The following MEGF11 variants were observed in gnomAD, a reference collection of about 807,000 sequenced individuals.
MEGF11 encodes multiple EGF like domains 11, also known as multiple epidermal growth factor-like domains protein 11.
A neutral mutation model predicts 146.6 loss-of-function variants in MEGF11; 126 were observed. The ratio of observed to expected loss-of-function variants is 0.86; its 90% CI spans 0.74 to 1.00. The LOEUF is 1.00. Ranked by LOEUF, MEGF11 falls within the 50% of genes least tolerant of loss-of-function variation. The probability of loss-of-function intolerance (pLI) is 0.00; values close to 1 mark genes in which losing one functional copy is unlikely to be tolerated. For synonymous variants in MEGF11, 532 were observed against 583.4 expected, an observed-to-expected ratio of 0.91 and a Z score of 1.27; for missense variants, 1,509 against 1,521.2, an observed-to-expected ratio of 0.99 and a Z score of 0.13.
chr15:66,046,430 C>G (rs1385041817), intron 5 of MEGF11, among the ~76,000 whole-genome samples: 1 of 152,226 alleles, frequency 6.6e-6, no homozygotes, highest in Non-Finnish European at 1.5e-5. Flanking sequence ...AGGCACCTCA[C>G]GGGACGTGGT....
At chr15:65,937,310 A>G (rs1310798545) in intron 10 of MEGF11, among the ~76,000 whole-genome samples, 1 of 152,150 alleles carries the variant, frequency 6.6e-6, no homozygotes, top group African/African-American at 2.4e-5. Flanking sequence ...TGCATTTGGC[A>G]TGTCATGTGC....
chr15:65,978,092 C>A (rs959453171), intron 7 of MEGF11, among the ~76,000 whole-genome samples: 5 of 152,274 alleles, frequency 3.3e-5, no homozygotes, highest in African/African-American at 1.2e-4. Context: ...GAGTTCCTAG[C>A]AGCTCCTCTC....
intron 1 of MEGF11, among the ~76,000 whole-genome samples, chr15:66,251,823 G>A (rs2092374525): frequency 6.6e-6 from 1 of 152,202 alleles, no homozygotes; most frequent in African/African-American, 2.4e-5. Context: ...AGGAAGTGGC[G>A]AGATTGCAGT....
chr15:66,098,261 A>C (rs2086636466), intron 4 of MEGF11, among the ~76,000 whole-genome samples: 1 of 152,124 alleles, frequency 6.6e-6, no homozygotes, highest in South Asian at 2.1e-4. Flanking sequence ...TCTCCTCTGC[A>C]ATCAAGCTGC....
intron 1 of MEGF11, among the ~76,000 whole-genome samples, chr15:66,177,429 T>C (rs1361594470): frequency 1.3e-5 from 2 of 152,218 alleles, no homozygotes; most frequent in East Asian, 3.8e-4. Flanking sequence ...CATCATGTAT[T>C]CAGCAATCAC....
At chr15:66,022,319 T>C (rs1309519242) in intron 5 of MEGF11, among the ~76,000 whole-genome samples, 1 of 152,274 alleles carries the variant, frequency 6.6e-6, no homozygotes, top group African/African-American at 2.4e-5. Flanking sequence ...CCTCTGGGCC[T>C]ACCTGCAGTG....
At chr15:65,933,995 C>G (rs936180651) in intron 10 of MEGF11, among the ~76,000 whole-genome samples, 3 of 152,076 alleles carry the variant, frequency 2.0e-5, no homozygotes, top group African/African-American at 7.2e-5. Context: ...GAAAGAATAC[C>G]TTGTTTACCT....
intron 1 of MEGF11, among the ~76,000 whole-genome samples, chr15:66,197,401 T>A (rs1481282756): frequency 6.6e-6 from 1 of 152,158 alleles, no homozygotes; most frequent in African/African-American, 2.4e-5. Context: ...ACTGCTCTCA[T>A]GGAGCTGATG....
intron 19 of MEGF11, among the ~76,000 whole-genome samples, 171 bp downstream of exon 19, chr15:65,915,298 TC>T (rs2078956053): frequency 6.6e-6 from 1 of 152,174 alleles, no homozygotes; most frequent in Admixed American, 6.5e-5. Context: ...GACTGCCTGC[TC>T]CTTATGCCTC....
chr15:65,902,316 G>A (rs919489098), intron 24 of MEGF11: 3 of 152,348 alleles, frequency 2.0e-5, no homozygotes, highest in African/African-American at 7.2e-5. Flanking sequence ...AGAAGTTGAT[G>A]TCTGTGGGGA....
At chr15:66,181,715 C>A (rs2090554444) in intron 1 of MEGF11, among the ~76,000 whole-genome samples, 1 of 152,182 alleles carries the variant, frequency 6.6e-6, no homozygotes, top group African/African-American at 2.4e-5. Flanking sequence ...CCTTGGGAAC[C>A]ACAGGCATAG....
chr15:66,095,126 T>G (rs1331914997), intron 4 of MEGF11, among the ~76,000 whole-genome samples: 2 of 152,228 alleles, frequency 1.3e-5, no homozygotes, highest in Non-Finnish European at 2.9e-5. Context: ...GCCTGGCAAT[T>G]TCTTATCACG....
At chr15:66,141,709 C>T (rs144805537) in intron 1 of MEGF11, among the ~76,000 whole-genome samples, 110 of 152,188 alleles carry the variant, frequency 7.2e-4, no homozygotes, top group East Asian at 2.3e-3. Context: ...TAGGTGGCCC[C>T]GAAGGTCCCT....
At chr15:65,923,960 G>T (rs2079270668) in intron 13 of MEGF11, among the ~76,000 whole-genome samples, 3 of 152,178 alleles carry the variant, frequency 2.0e-5, no homozygotes, top group Admixed American at 2.0e-4. Flanking sequence ...CAGGAGATTG[G>T]CTTGGCTTCA....
At chr15:65,978,907 T>G (rs145142256) in intron 7 of MEGF11, among the ~76,000 whole-genome samples, 205 of 152,274 alleles carry the variant, frequency 1.3e-3, no homozygotes, top group African/African-American at 4.4e-3. Flanking sequence ...AGCCTCAGCT[T>G]CTTCATCTGA....
chr15:66,231,622 C>T (rs1463189439), intron 1 of MEGF11, among the ~76,000 whole-genome samples: 4 of 152,162 alleles, frequency 2.6e-5, no homozygotes, highest in African/African-American at 7.2e-5. Flanking sequence ...TTCAAACTCC[C>T]GCCCCTCCCT....
At position 66,187,086 on chromosome 15, in the gene MEGF11, A is replaced by T. The variant is rs536392458; in HGVS notation, c.-8-58675T>A. Among the ~76,000 whole-genome samples the T allele has an allele frequency of 3.9e-5, 6 of 152,376 alleles. No individual in the cohort carries two copies. In the East Asian group the frequency reaches 1.2e-3, roughly 29 times the overall value. ...AAGGAAGGATGAACTAAGATGAAAT[A>T]TATGAGAGTGATGGTACATGGAAAG... On this transcript the variant is annotated intron_variant, in intron 1 of 25. Transcript: ENST00000395614.
At chr15:66,158,716 C>T (rs2089849183) in intron 1 of MEGF11, among the ~76,000 whole-genome samples, 1 of 152,236 alleles carries the variant, frequency 6.6e-6, no homozygotes, top group East Asian at 1.9e-4. Flanking sequence ...TAGGCTTCAA[C>T]AGTCCCAGCA....
chr15:65,989,802 G>T (rs148187276), intron 5 of MEGF11, among the ~76,000 whole-genome samples: 2 of 152,292 alleles, frequency 1.3e-5, no homozygotes, highest in Non-Finnish European at 2.9e-5. Flanking sequence ...AGTGGTTCTT[G>T]CCTGGAGTAG....
Sources: allele counts gnomAD v4.1 joint callset (sites outside exome capture counted in the v4.1 genomes callset), GRCh38; gene constraint gnomAD v4.1.1; transcripts MANE v1.5; gene names NCBI Gene and HGNC (gene_info 2026-07-23, HGNC 2026-07-21).